TNKS2: variants seen among roughly 807,000 people sequenced by gnomAD.
TNKS2 encodes the protein tankyrase 2, also known as poly [ADP-ribose] polymerase tankyrase-2.
In TNKS2, 72 loss-of-function variants were observed where a neutral mutation model predicts 137.6. The observed-to-expected ratio is 0.52, with a 90% CI of 0.43 to 0.64. The LOEUF is 0.64. TNKS2 is among the 30% of genes least tolerant of loss of function. The probability of loss-of-function intolerance (pLI) is 0.00; values close to 1 mark genes in which losing one functional copy is unlikely to be tolerated. For missense variants in TNKS2, 1,049 were observed against 1,410.2 expected (o/e 0.74, Z 4.10); for synonymous variants, 516 against 512.1 (o/e 1.01, Z -0.10).
intron 12 of TNKS2, 23 bp downstream of exon 12, chr10:91,834,047 T>A (rs1387848486): frequency 2.0e-6 from 3 of 1,497,470 alleles, no homozygotes; most frequent in Non-Finnish European, 2.7e-6. Flanking sequence ...TCAATGAAAT[T>A]GATTTTTTTA....
intron 1 of TNKS2, among the ~76,000 whole-genome samples, chr10:91,803,374 G>T (rs1844235141): frequency 6.6e-6 from 1 of 152,102 alleles, no homozygotes; most frequent in African/African-American, 2.4e-5. Context: ...AATGAGCCGG[G>T]CATGGTGGCA....
chr10:91,803,601 T>C (rs1844241642), intron 1 of TNKS2, among the ~76,000 whole-genome samples: 1 of 152,212 alleles, frequency 6.6e-6, no homozygotes. Flanking sequence ...GCCATTGCAC[T>C]CTAGGCTGGG....
chr10:91,837,176 A>C (rs529525246), intron 13 of TNKS2, among the ~76,000 whole-genome samples, 178 bp downstream of exon 13: 1 of 152,224 alleles, frequency 6.6e-6, no homozygotes, highest in Non-Finnish European at 1.5e-5. Context: ...AAAGAGAAAG[A>C]CTTCACTTTC....
chr10:91,798,868 AC>A lies in TNKS2; in HGVS notation c.182del (p.Pro61ArgfsTer13). On this transcript the variant is annotated frameshift_variant, in exon 1 of 27. Transcript: ENST00000371627. LOFTEE classifies it high-confidence loss of function. ...NSRDTAGRKSTPLHFAAGFGR... is the reference protein window; with the variant it reads ...NSRDTAGRKSXPLHFAAGFGR... Reference sequence around the variant, plus strand: ...CCGCGACACGGCGGGCAGGAAATCCACCCCGCTGCACTTCGCCGCAGGTAAC... The same window carrying A: ...CCGCGACACGGCGGGCAGGAAATCCACCCGCTGCACTTCGCCGCAGGTAAC... The A allele has an allele frequency of 7.3e-7, 1 of 1,360,644 alleles. No individual in the cohort carries two copies. Among genetic ancestry groups the A allele is most frequent in the Non-Finnish European group, 9.5e-7 (1 of 1,048,400 alleles). 84.3% of individuals were successfully genotyped at this position (1,360,644 alleles called of 1,614,324 possible).
intron 20 of TNKS2, among the ~76,000 whole-genome samples, chr10:91,849,887 C>A (rs552920152): frequency 6.6e-6 from 1 of 152,286 alleles, no homozygotes; most frequent in South Asian, 2.1e-4. Context: ...CTCTCTCAAG[C>A]CTGACACTTT....
Position 91,848,607 on chromosome 10 carries a change from G to A in TNKS2, c.2583G>A (p.Glu861=), listed in dbSNP as rs1842453511. 6.2e-7 allele frequency: 1 copy of A among 1,614,016 alleles called. No homozygotes were observed. Among genetic ancestry groups the A allele is most frequent in the African/African-American group, 1.3e-5 (1 of 74,908 alleles). Residue 861 remains glutamate, a synonymous_variant, in exon 19 of 27, where the codon GAG becomes GAA. Coordinates refer to ENST00000371627, the MANE Select transcript of TNKS2 (RefSeq NM_025235.4). ...LSSVVSSSGT[E]GASSLEKKEV... ...CAGTAGTTAGTTCAAGTGGAACAGA[G>A]GGTGCTTCCAGTTTGGAGAAAAAGG...
intron 8 of TNKS2, 138 bp downstream of exon 8, chr10:91,827,341 AT>A: frequency 4.4e-6 from 3 of 674,420 alleles, no homozygotes; most frequent in Non-Finnish European, 6.5e-6. Context: ...TGTTTAGCAT[AT>A]TTAATAATTT....
intron 13 of TNKS2, among the ~76,000 whole-genome samples, chr10:91,839,714 C>T (rs1589678672): frequency 6.6e-6 from 1 of 152,198 alleles, no homozygotes; most frequent in South Asian, 2.1e-4. Flanking sequence ...ACACCAGTTA[C>T]ACTGAAAATT....
intron 26 of TNKS2, among the ~76,000 whole-genome samples, chr10:91,862,580 C>A (rs1842878919): frequency 6.6e-6 from 1 of 152,068 alleles, no homozygotes; most frequent in African/African-American, 2.4e-5. Flanking sequence ...TATTTAACAG[C>A]CTGTCCATAG....
intron 12 of TNKS2, among the ~76,000 whole-genome samples, chr10:91,835,131 T>G (rs1564618771): frequency 1.3e-5 from 2 of 152,168 alleles, no homozygotes; most frequent in Non-Finnish European, 2.9e-5. Flanking sequence ...GTAATAGATT[T>G]TAATGCTAAC....
At chr10:91,817,648 T>A (rs1844752647) in intron 3 of TNKS2, among the ~76,000 whole-genome samples, 1 of 152,192 alleles carries the variant, frequency 6.6e-6, no homozygotes, top group Non-Finnish European at 1.5e-5. Flanking sequence ...CTATTTTTTT[T>A]AATGTATTTT....
intron 1 of TNKS2, among the ~76,000 whole-genome samples, chr10:91,799,902 C>T (rs982617248): frequency 6.6e-6 from 1 of 152,060 alleles, no homozygotes; most frequent in African/African-American, 2.4e-5. Flanking sequence ...CGGGGAATAC[C>T]TTTTAAAGTA....
Position 91,841,290 on chromosome 10 carries a change from G to T in TNKS2, c.1681G>T (p.Val561Leu), listed in dbSNP as rs1488330219. The change falls in exon 15 of 27, where the codon GTA (valine) becomes TTA (leucine). Residue 561 changes from valine to leucine, a missense_variant. Transcript: ENST00000371627. ...DVHAKDKGGLVPLHNACSYGH... is the reference protein window; with the variant it reads ...DVHAKDKGGLLPLHNACSYGH... ...TCATTTATTACTTTTCAGAGGCCTT[G>T]TACCTTTGCACAATGCATGTTCTTA... The T allele has an allele frequency of 6.4e-7, 1 of 1,559,670 alleles. No homozygotes were observed. The highest frequency in any genetic ancestry group is 2.3e-5 in the East Asian group (1 of 42,638).
intron 1 of TNKS2, among the ~76,000 whole-genome samples, chr10:91,808,812 C>T (rs1379207349): frequency 6.6e-6 from 1 of 152,102 alleles, no homozygotes; most frequent in Non-Finnish European, 1.5e-5. Context: ...AGAACTGAGT[C>T]TTGAGGAATC....
chr10:91,820,950 G>A (rs1234781964), intron 6 of TNKS2, among the ~76,000 whole-genome samples: 2 of 152,188 alleles, frequency 1.3e-5, no homozygotes, highest in African/African-American at 4.8e-5. Context: ...ATACACATAC[G>A]AAATACAGGA....
At chr10:91,815,199 A>G (rs1844644987) in intron 2 of TNKS2, among the ~76,000 whole-genome samples, 2 of 152,214 alleles carry the variant, frequency 1.3e-5, no homozygotes, top group South Asian at 4.1e-4. Context: ...AGTTCAGTGC[A>G]CTAGAGAAAG....
At chr10:91,830,343 G>A (rs1178408412) in intron 9 of TNKS2, among the ~76,000 whole-genome samples, 6 of 151,956 alleles carry the variant, frequency 3.9e-5, no homozygotes, top group African/African-American at 1.5e-4. Context: ...TCAGCCTCCC[G>A]AGTAGCTGGG....
chr10:91,830,469 C>T (rs1432943074), intron 9 of TNKS2, among the ~76,000 whole-genome samples: 1 of 152,170 alleles, frequency 6.6e-6, no homozygotes, highest in African/African-American at 2.4e-5. Context: ...CCGCCTGCCT[C>T]GGCCTCCCAA....
chr10:91,808,847 G>A (rs1174979321), intron 1 of TNKS2, among the ~76,000 whole-genome samples: 1 of 152,110 alleles, frequency 6.6e-6, no homozygotes, highest in African/African-American at 2.4e-5. Context: ...TTAGGTAGAG[G>A]AAGCAATAAG....
Sources: allele counts gnomAD v4.1 joint callset (sites outside exome capture counted in the v4.1 genomes callset), GRCh38; gene constraint gnomAD v4.1.1; transcripts MANE v1.5; gene names NCBI Gene and HGNC (gene_info 2026-07-23, HGNC 2026-07-21).